CTNNA2: variants seen among roughly 807,000 people sequenced by gnomAD.
The protein encoded by CTNNA2 is catenin alpha 2, also known as catenin alpha-2.
A neutral mutation model predicts 101.0 loss-of-function variants in CTNNA2; 42 were observed. The ratio of observed to expected loss-of-function variants is 0.42; its 90% CI spans 0.32 to 0.54. The LOEUF (loss-of-function observed/expected upper bound fraction) is 0.54, where lower values mean the gene tolerates loss of function less well. Among genes scored for constraint, CTNNA2 ranks in the 20% least tolerant of loss-of-function variants. The probability of loss-of-function intolerance (pLI) is 0.14; values close to 1 mark genes in which losing one functional copy is unlikely to be tolerated. For synonymous variants in CTNNA2, 450 were observed against 456.4 expected (o/e 0.99, Z 0.18); for missense variants, 871 against 1,223.1 (o/e 0.71, Z 4.29).
intron 8 of CTNNA2, 95 bp downstream of exon 8, chr2:80,393,386 G>T (rs1677705536): frequency 2.3e-6 from 2 of 867,104 alleles, no homozygotes; most frequent in Admixed American, 4.9e-5. Flanking sequence ...ATGACAATGA[G>T]GTTGTTATTC....
chr2:79,980,834 G>A (rs759010830), intron 7 of CTNNA2, among the ~76,000 whole-genome samples: 1 of 152,016 alleles, frequency 6.6e-6, no homozygotes, highest in Non-Finnish European at 1.5e-5. Context: ...TAGTAAATAA[G>A]TAATTAACTG....
At chr2:79,254,700 C>A (rs1040691689) in intron 2 of CTNNA2, among the ~76,000 whole-genome samples, 5 of 152,080 alleles carry the variant, frequency 3.3e-5, no homozygotes, top group African/African-American at 1.2e-4. Flanking sequence ...AGTAAGCAAG[C>A]CCATGAATTA....
intron 18 of CTNNA2, among the ~76,000 whole-genome samples, chr2:80,625,911 CTG>C (rs1436591146): frequency 7.2e-5 from 11 of 152,084 alleles, no homozygotes; most frequent in Non-Finnish European, 1.3e-4. Context: ...ATAATTTACT[CTG>C]TTAAATTTTC....
intron 1 of CTNNA2, among the ~76,000 whole-genome samples, chr2:79,552,516 G>C (rs1254484464): frequency 6.6e-6 from 1 of 152,164 alleles, no homozygotes; most frequent in Non-Finnish European, 1.5e-5. Context: ...CTCTGTGTAG[G>C]GGCTCCAGCC....
chr2:79,318,712 T>C (rs1339225935), intron 3 of CTNNA2, among the ~76,000 whole-genome samples: 1 of 152,254 alleles, frequency 6.6e-6, no homozygotes, highest in African/African-American at 2.4e-5. Context: ...ACAATTTTAT[T>C]GGAGCAAAGT....
rs1251414419 is a variant in CTNNA2 at position 80,619,225 on chromosome 2, C to T, written c.2571C>T (p.Ser857=). The T allele has an allele frequency of 1.9e-6, 3 of 1,558,496 alleles. No individual in the cohort carries two copies. In the African/African-American group the frequency reaches 4.1e-5, roughly 21 times the overall value. ...TCGGGAGTGGAAGCAGTGATTCCTC[C>T]ATGGTGAGTAAATTGACTTTCTAAT... ...APIGSGSSDS[S]MLDSATSLIQ... is the part of the protein sequence containing the mutation. The change falls in exon 18 of 19, where the codon TCC becomes TCT. Residue 857 remains serine, a synonymous_variant. Coordinates refer to ENST00000402739, the MANE Select transcript of CTNNA2 (RefSeq NM_001282597.3).
chr2:79,505,245 A>G (rs2103810832), intron 5 of CTNNA2: 1 of 152,278 alleles, frequency 6.6e-6, no homozygotes, highest in South Asian at 2.1e-4. Flanking sequence ...TAACGTTGCT[A>G]ATCGTTGGTT....
At chr2:79,777,602 A>G (rs1209319068) in intron 3 of CTNNA2, among the ~76,000 whole-genome samples, 1 of 152,120 alleles carries the variant, frequency 6.6e-6, no homozygotes, top group Non-Finnish European at 1.5e-5. Context: ...AGCTTGCCCC[A>G]TTCTCTTCTC....
intron 4 of CTNNA2, among the ~76,000 whole-genome samples, chr2:79,451,168 A>G (rs1221917539): frequency 6.6e-6 from 1 of 152,140 alleles, no homozygotes; most frequent in Non-Finnish European, 1.5e-5. Context: ...ACATTGAACA[A>G]AACACTACTC....
intron 4 of CTNNA2, among the ~76,000 whole-genome samples, chr2:79,448,765 T>C (rs1678858894): frequency 6.6e-6 from 1 of 152,032 alleles, no homozygotes; most frequent in African/African-American, 2.4e-5. Context: ...CAAAGACACA[T>C]ATAGTTAGTT....
chr2:80,633,295 TTTAA>T (rs1250697911), intron 18 of CTNNA2, among the ~76,000 whole-genome samples: 2 of 152,208 alleles, frequency 1.3e-5, no homozygotes, highest in Non-Finnish European at 2.9e-5. Context: ...TTTAATTGTA[TTTAA>T]TCAAGTTTTC....
chr2:79,508,931 C>CATAT (rs200789720), upstream of CTNNA2, among the ~76,000 whole-genome samples: 2 of 126,290 alleles, frequency 1.6e-5, no homozygotes, highest in Non-Finnish European at 3.3e-5. Context: ...TACTTGAAAA[C>CATAT]ATATATATAT....
chr2:79,753,944 C>T (rs1249842948), intron 3 of CTNNA2, among the ~76,000 whole-genome samples: 1 of 149,710 alleles, frequency 6.7e-6, no homozygotes, highest in Non-Finnish European at 1.5e-5. Context: ...TCTTGGCTCA[C>T]TGCAACCTCC....
chr2:80,580,094 G>C (rs918306634), intron 13 of CTNNA2, among the ~76,000 whole-genome samples: 5 of 152,180 alleles, frequency 3.3e-5, no homozygotes, highest in African/African-American at 9.6e-5. Flanking sequence ...CAAAGCCTTA[G>C]AGCAAGCTAT....
At chr2:79,820,236 A>G (rs886371453) in intron 3 of CTNNA2, among the ~76,000 whole-genome samples, 5 of 152,178 alleles carry the variant, frequency 3.3e-5, no homozygotes. Context: ...TTGCATATGT[A>G]TTAATTGCCC....
chr2:79,933,725 G>T (rs1043847725), intron 7 of CTNNA2, among the ~76,000 whole-genome samples: 2 of 152,156 alleles, frequency 1.3e-5, no homozygotes, highest in African/African-American at 4.8e-5. Flanking sequence ...AAAGTGCTGG[G>T]ATTACAGGCA....
intron 7 of CTNNA2, among the ~76,000 whole-genome samples, chr2:80,233,220 G>T (rs1180134201): frequency 4.6e-5 from 7 of 152,098 alleles, no homozygotes; most frequent in Non-Finnish European, 4.4e-5. Context: ...CCTTGGTAGT[G>T]TTGCAAAAAT....
At chr2:80,075,827 T>A (rs989512593) in intron 7 of CTNNA2, among the ~76,000 whole-genome samples, 1 of 145,694 alleles carries the variant, frequency 6.9e-6, no homozygotes, top group Non-Finnish European at 1.5e-5. Context: ...ATTTATAAAT[T>A]AATTATTTTT....
chr2:80,127,234 T>G (rs1402447478), intron 7 of CTNNA2, among the ~76,000 whole-genome samples: 1 of 151,518 alleles, frequency 6.6e-6, no homozygotes, highest in Non-Finnish European at 1.5e-5. Flanking sequence ...GATCAAAAGG[T>G]TTTTTTTTGT....
Sources: allele counts gnomAD v4.1 joint callset (sites outside exome capture counted in the v4.1 genomes callset), GRCh38; gene constraint gnomAD v4.1.1; transcripts MANE v1.5; gene names NCBI Gene and HGNC (gene_info 2026-07-23, HGNC 2026-07-21).